Variants in USP42 observed in about 807,000 individuals in gnomAD.
USP42 encodes the protein ubiquitin carboxyl-terminal hydrolase 42.
A neutral mutation model predicts 113.0 loss-of-function variants in USP42; 23 were observed. The ratio of observed to expected loss-of-function variants is 0.20; its 90% CI spans 0.15 to 0.29. The LOEUF (loss-of-function observed/expected upper bound fraction) is 0.29, where lower values mean the gene tolerates loss of function less well. Ranked by LOEUF, USP42 falls within the 10% of genes least tolerant of loss-of-function variation. The pLI is 1.00. For missense variants in USP42, 2,174 were observed against 1,779.8 expected (o/e 1.22, Z -3.99); for synonymous variants, 933 against 699.0 (o/e 1.33, Z -5.28).
intron 1 of USP42, among the ~76,000 whole-genome samples, chr7:6,108,559 C>T (rs1295002623): frequency 6.6e-6 from 1 of 152,156 alleles, no homozygotes; most frequent in Admixed American, 6.5e-5. Context: ...CAGCTCACTG[C>T]AACCTCCACC....
rs1308877957 is a variant in USP42, at chr7:6,139,587, T to C, written c.656+393T>C. On this transcript the variant is annotated intron_variant, in intron 5 of 17. Transcript: ENST00000306177. The surrounding 1 kb of genome is among the most constrained non-coding windows in gnomAD (Gnocchi z 4.5). ...CTGAACCCCCACCCCAATCAGTTAC[T>C]GATTCTTGTAGCTAGTTCCTTAAAA... The C allele has an allele frequency of 5.0e-6, 1 of 199,044 alleles. No homozygotes were observed. Among genetic ancestry groups the C allele is most frequent in the African/African-American group, 2.4e-5 (1 of 42,324 alleles). The allele number at this position is 199,044 out of a possible 1,614,324, so 12.3% of individuals were successfully genotyped here.
chr7:6,101,956 T>C (rs966966351), upstream of USP42, among the ~76,000 whole-genome samples: 4 of 148,736 alleles, frequency 2.7e-5, no homozygotes, highest in East Asian at 7.9e-4. Context: ...GGTACAGTGG[T>C]GTGTGCTTGT....
chr7:6,106,558 C>T (rs1202386198), intron 1 of USP42, among the ~76,000 whole-genome samples: 2 of 152,126 alleles, frequency 1.3e-5, no homozygotes, highest in East Asian at 3.8e-4. Flanking sequence ...GATCCAACCT[C>T]GATTCATGTT....
chr7:6,102,796 A>G (rs1790167786), upstream of USP42, among the ~76,000 whole-genome samples: 1 of 150,926 alleles, frequency 6.6e-6, no homozygotes, highest in Non-Finnish European at 1.5e-5. Context: ...CTAGCTAAGG[A>G]ATTTAGACTT....
rs757177989 is a variant in USP42, at chr7:6,139,147, A to G, written c.609A>G (p.Gln203=). 2 of 1,610,500 alleles carry G rather than the reference A, an allele frequency of 1.2e-6. No homozygotes were observed. Among genetic ancestry groups the G allele is most frequent in the Non-Finnish European group, 1.7e-6 (2 of 1,178,424 alleles). The change falls in exon 5 of 18, where the codon CAA becomes CAG. Residue 203 remains glutamine, a synonymous_variant. Transcript: ENST00000306177. The surrounding 1 kb of genome is among the most constrained non-coding windows in gnomAD (Gnocchi z 4.5). The part of the protein sequence containing the change: ...GNQEDAHEFL[Q]YTVDAMQKAC... ...AAGAAGATGCCCATGAATTCCTTCA[A>G]TACACTGTTGATGCTATGCAGAAAG... is the stretch of plus-strand genomic sequence containing the variant.
intron 14 of USP42, among the ~76,000 whole-genome samples, chr7:6,152,229 C>T (rs561668453): frequency 6.6e-6 from 1 of 152,270 alleles, no homozygotes; most frequent in African/African-American, 2.4e-5. Context: ...AGAGTGCGGC[C>T]GGATGTCACC....
chr7:6,090,778 C>A, the USP42 span, among the ~76,000 whole-genome samples: 1 of 144,716 alleles, frequency 6.9e-6, no homozygotes, highest in Admixed American at 6.9e-5. Flanking sequence ...ATATATATAA[C>A]ATATATAACA....
chr7:6,093,361 C>G, the USP42 span, among the ~76,000 whole-genome samples: 1 of 150,168 alleles, frequency 6.7e-6, no homozygotes, highest in East Asian at 1.9e-4. Flanking sequence ...TTTCAGCTCA[C>G]TGCAACCTCC....
chr7:6,103,335 G>A (rs1372263300), upstream of USP42, among the ~76,000 whole-genome samples: 5 of 150,596 alleles, frequency 3.3e-5, 1 homozygote, highest in African/African-American at 1.2e-4. Flanking sequence ...TCAGGAGTTC[G>A]AGACCAGCCT....
At chr7:6,102,158 C>T (rs1790146225), upstream of USP42, among the ~76,000 whole-genome samples, 1 of 144,698 alleles carries the variant, frequency 6.9e-6, no homozygotes, top group Non-Finnish European at 1.5e-5. Flanking sequence ...CTCTGTTGCC[C>T]AGGCTAGAGT....
rs529136618 is a variant in USP42 at position 6,159,077 on chromosome 7, C to A, written c.3944-373C>A. ...AGAAGGCCGCTGCCCGGCCCCGCCT[C>A]ACCCAGCGTCCTGTGGTCCTGCGGG... On this transcript the variant is annotated intron_variant, in intron 16 of 17. Transcript: ENST00000306177. This position sits in a 1 kb window ranked among gnomAD's most constrained non-coding sequence, Gnocchi z 4.1. Among the ~76,000 whole-genome samples, 2 of 152,350 alleles carry A rather than the reference C, an allele frequency of 1.3e-5. No homozygotes were observed. The highest frequency in any genetic ancestry group is 4.1e-4 in the South Asian group (2 of 4,832).
intron 1 of USP42, among the ~76,000 whole-genome samples, chr7:6,108,853 G>T: frequency 6.6e-6 from 1 of 152,218 alleles, no homozygotes; most frequent in East Asian, 1.9e-4. Flanking sequence ...TATACTGTAT[G>T]TTAATCATTC....
chr7:6,113,215 G>A lies in USP42; in HGVS notation c.241+1841G>A, dbSNP rs1376735595. ...CGGACAACAGTAAGTTTCATATTGT[G>A]ATGTGGGGGTGGGTGTTGCAGTTTG... is the stretch of plus-strand genomic sequence containing the variant. On this transcript the variant is annotated intron_variant, in intron 2 of 17. Transcript: ENST00000306177. Among the ~76,000 whole-genome samples the A allele has an allele frequency of 1.3e-5, 2 of 152,044 alleles. 1 individual carries two copies. Among genetic ancestry groups the A allele is most frequent in the Non-Finnish European group, 2.9e-5 (2 of 68,004 alleles).
chr7:6,087,976 A>C, the USP42 span, among the ~76,000 whole-genome samples: 1 of 151,238 alleles, frequency 6.6e-6, no homozygotes, highest in East Asian at 1.9e-4. Context: ...GACCTGGGAC[A>C]TAGTACCTCT....
intron 3 of USP42, among the ~76,000 whole-genome samples, chr7:6,129,009 A>G (rs536651953): frequency 1.8e-4 from 28 of 151,894 alleles, no homozygotes; most frequent in Non-Finnish European, 3.4e-4. Flanking sequence ...ACAGGGTTTC[A>G]CCATGTTGCC....
intron 3 of USP42, among the ~76,000 whole-genome samples, chr7:6,120,019 G>A (rs1002589764): frequency 5.3e-5 from 8 of 152,186 alleles, no homozygotes; most frequent in African/African-American, 1.9e-4. Context: ...GGGCTGGAGT[G>A]CAGTGGCGCT....
chr7:6,092,076 C>CTTCTTCTTCTTTCT, the USP42 span, among the ~76,000 whole-genome samples: 3 of 23,818 alleles, frequency 1.3e-4, no homozygotes, highest in Non-Finnish European at 2.6e-4. Flanking sequence ...CTTCTTCTTC[C>CTTCTTCTTCTTTCT]TCTTCCTCTT....
chr7:6,121,283 A>G lies in USP42; in HGVS notation c.442+5760A>G, dbSNP rs554931049. Among the ~76,000 whole-genome samples, 72 of 152,340 alleles carry G rather than the reference A, an allele frequency of 4.7e-4. No homozygotes were observed. The South Asian group carries it at 0.015, about 31-fold the overall frequency. ...TTAAGTATGGTGTTGTAGGTTTTTC[A>G]TAGATGCCTTTTACCAGGTTGAGTT... On this transcript the variant is annotated intron_variant, in intron 3 of 17. Coordinates refer to ENST00000306177, the MANE Select transcript of USP42 (RefSeq NM_032172.3).
chr7:6,147,846 C>G lies in USP42; in HGVS notation c.1340C>G (p.Ala447Gly), dbSNP rs1301541991. ...ISQRVVTNKQAAPGFIGPQLP... is the reference protein window; with the variant it reads ...ISQRVVTNKQGAPGFIGPQLP... Reference sequence around the variant, plus strand: ...CAGCGGGTTGTCACCAACAAACAGGCTGCGCCAGGCTTTATCGGACCACAG... The same window carrying G: ...CAGCGGGTTGTCACCAACAAACAGGGTGCGCCAGGCTTTATCGGACCACAG... The change falls in exon 12 of 18, where the codon GCT becomes GGT. Residue 447 changes from alanine to glycine, a missense_variant. By Grantham distance (60) the Ala-to-Gly change is moderately conservative. Transcript: ENST00000306177. The G allele has an allele frequency of 6.2e-7, 1 of 1,613,088 alleles. No homozygotes were observed. Among genetic ancestry groups the G allele is most frequent in the African/African-American group, 1.3e-5 (1 of 74,920 alleles).
Sources: gnomAD v4.1 joint callset for allele counts (sites outside exome capture counted in the v4.1 genomes callset) on GRCh38, gnomAD v4.1.1 for gene constraint, Gnocchi (gnomAD v3.1) non-coding constraint, MANE v1.5 for transcripts, NCBI Gene and HGNC (gene_info 2026-07-23, HGNC 2026-07-21) for gene names.